EYA2: variants seen among roughly 807,000 people sequenced by gnomAD.
The protein encoded by EYA2 is protein phosphatase EYA2.
EYA2 carries 31 observed loss-of-function variants against 69.2 expected under a neutral mutation model. The ratio of observed to expected loss-of-function variants is 0.45; its 90% CI spans 0.34 to 0.60. The LOEUF is 0.60. EYA2 is among the 20% of genes least tolerant of loss of function. The pLI, the probability that EYA2 is intolerant of heterozygous loss-of-function variation, is 0.02. For missense variants in EYA2, 622 were observed against 701.2 expected (o/e 0.89, Z 1.28); for synonymous variants, 257 against 279.4 (o/e 0.92, Z 0.80).
At chr20:47,068,701 A>G (rs1258599475) in intron 5 of EYA2, among the ~76,000 whole-genome samples, 1 of 152,094 alleles carries the variant, frequency 6.6e-6, no homozygotes, top group East Asian at 1.9e-4. Flanking sequence ...GTTCTGATGG[A>G]TCCATCATCT....
chr20:46,926,243 C>T (rs1985407662), intron 1 of EYA2, among the ~76,000 whole-genome samples: 1 of 152,104 alleles, frequency 6.6e-6, no homozygotes, highest in East Asian at 1.9e-4. Context: ...TACACACATA[C>T]AGTGATATAG....
intron 9 of EYA2, among the ~76,000 whole-genome samples, chr20:47,097,752 A>G (rs938466573): frequency 2.6e-5 from 4 of 152,200 alleles, no homozygotes; most frequent in Non-Finnish European, 5.9e-5. Context: ...TTAATAATGC[A>G]AAAATGAACT....
intron 2 of EYA2, among the ~76,000 whole-genome samples, chr20:46,995,422 C>T (rs1235475908): frequency 6.6e-6 from 1 of 152,140 alleles, no homozygotes; most frequent in Non-Finnish European, 1.5e-5. Context: ...TCCTCAGTGG[C>T]ACCTCCCGCA....
chr20:46,929,063 G>A (rs925391126), intron 1 of EYA2, among the ~76,000 whole-genome samples: 1 of 150,306 alleles, frequency 6.7e-6, no homozygotes. Flanking sequence ...CAAAATGGAA[G>A]CATTGTTCCC....
intron 10 of EYA2, chr20:47,161,826 C>T (rs1404556708): frequency 6.5e-6 from 1 of 153,208 alleles, no homozygotes. Flanking sequence ...CAGATCTTCT[C>T]GAGCACAGGC....
chr20:46,981,359 T>C (rs534808408), intron 1 of EYA2, among the ~76,000 whole-genome samples: 1 of 152,340 alleles, frequency 6.6e-6, no homozygotes, highest in East Asian at 1.9e-4. Flanking sequence ...GCTAATAGTT[T>C]GCTTCTGCAA....
intron 9 of EYA2, among the ~76,000 whole-genome samples, chr20:47,119,361 G>A (rs1325833436): frequency 5.3e-5 from 8 of 152,166 alleles, no homozygotes. Flanking sequence ...GGCAGATGGG[G>A]AAAAGCTCCA....
Position 46,974,077 on chromosome 20 carries a change from G to A in EYA2, c.-10-15924G>A, listed in dbSNP as rs144838619. Reference sequence around the variant, plus strand: ...TTTTAGGCAAATGTCTTCAATTTCTGTCCTCACTTTCCTTATCAGTAAAAT... The same window carrying A: ...TTTTAGGCAAATGTCTTCAATTTCTATCCTCACTTTCCTTATCAGTAAAAT... On this transcript the variant is annotated intron_variant, in intron 1 of 15. Coordinates refer to ENST00000327619, the MANE Select transcript of EYA2 (RefSeq NM_005244.5). 4.6e-5 allele frequency among the ~76,000 whole-genome samples: 7 copies of A among 152,260 alleles called. No individual in the cohort carries two copies. In the East Asian group the frequency reaches 1.4e-3, roughly 29 times the overall value.
chr20:46,977,387 G>A (rs1023208072), intron 1 of EYA2, among the ~76,000 whole-genome samples: 2 of 152,160 alleles, frequency 1.3e-5, no homozygotes, highest in Non-Finnish European at 2.9e-5. Flanking sequence ...GACTAGTTGG[G>A]GTCACCTGTT....
chr20:47,158,711 T>G (rs2034006028), intron 10 of EYA2, among the ~76,000 whole-genome samples: 1 of 151,936 alleles, frequency 6.6e-6, no homozygotes, highest in East Asian at 2.0e-4. Context: ...AGAGCATCTT[T>G]TAGCACCGTA....
chr20:46,962,372 T>C (rs903731821), intron 1 of EYA2, among the ~76,000 whole-genome samples: 1 of 152,194 alleles, frequency 6.6e-6, no homozygotes, highest in African/African-American at 2.4e-5. Flanking sequence ...GATAAATGTT[T>C]GAGGTGATAG....
intron 1 of EYA2, among the ~76,000 whole-genome samples, chr20:46,929,419 C>T (rs200869472): frequency 2.0e-5 from 3 of 148,952 alleles, no homozygotes; most frequent in South Asian, 2.1e-4. Context: ...TGAGAAGGGG[C>T]TTTTTTTTTG....
chr20:46,984,396 GA>G (rs1981045760), intron 1 of EYA2, among the ~76,000 whole-genome samples: 1 of 148,570 alleles, frequency 6.7e-6, no homozygotes, highest in Non-Finnish European at 1.5e-5. Context: ...AAAAAAAATA[GA>G]AAACCCAGTA....
intron 5 of EYA2, among the ~76,000 whole-genome samples, chr20:47,026,154 C>T (rs921101581): frequency 3.9e-5 from 6 of 152,174 alleles, no homozygotes; most frequent in African/African-American, 1.2e-4. Context: ...ACATTTAGTA[C>T]GTGGAGAAGG....
At chr20:47,053,051 A>G (rs984666506) in intron 5 of EYA2, among the ~76,000 whole-genome samples, 3 of 151,966 alleles carry the variant, frequency 2.0e-5, no homozygotes, top group African/African-American at 4.8e-5. Context: ...CCCTTAACCT[A>G]TTGCCTGTGG....
chr20:47,078,726 T>C (rs1335696583), intron 7 of EYA2, among the ~76,000 whole-genome samples: 1 of 152,262 alleles, frequency 6.6e-6, no homozygotes, highest in African/African-American at 2.4e-5. Flanking sequence ...TTTTTACATT[T>C]TTAAATATGA....
intron 1 of EYA2, among the ~76,000 whole-genome samples, chr20:46,984,381 GAAA>G (rs3092382): frequency 2.7e-5 from 4 of 148,312 alleles, no homozygotes; most frequent in African/African-American, 7.4e-5. Flanking sequence ...AAATCAGTAA[GAAA>G]AAAAAAAAAT....
intron 1 of EYA2, among the ~76,000 whole-genome samples, chr20:46,933,430 C>A (rs912032615): frequency 1.3e-5 from 2 of 152,108 alleles, no homozygotes; most frequent in Non-Finnish European, 2.9e-5. Context: ...AGACAACACT[C>A]CAGATGGATG....
chr20:46,970,451 C>G (rs55966194), intron 1 of EYA2, among the ~76,000 whole-genome samples: 33,088 of 152,040 alleles, frequency 0.22, 3,907 homozygotes, highest in Non-Finnish European at 0.27. Flanking sequence ...CTGGTGAGGA[C>G]AGGGGCCAGA....
Sources: allele counts gnomAD v4.1 joint callset (sites outside exome capture counted in the v4.1 genomes callset), GRCh38; gene constraint gnomAD v4.1.1; transcripts MANE v1.5; gene names NCBI Gene and HGNC (gene_info 2026-07-23, HGNC 2026-07-21).